NET1: variants seen among roughly 807,000 people sequenced by gnomAD.
NET1 encodes neuroepithelial cell-transforming gene 1 protein.
A neutral mutation model predicts 61.1 loss-of-function variants in NET1; 42 were observed. The ratio of observed to expected loss-of-function variants is 0.69; its 90% CI spans 0.54 to 0.89. The LOEUF is 0.89. Among genes scored for constraint, NET1 ranks in the 40% least tolerant of loss-of-function variants. The pLI is 0.00. For synonymous variants in NET1, 254 were observed against 281.8 expected (o/e 0.90, Z 0.99); for missense variants, 654 against 747.3 (o/e 0.88, Z 1.46).
At chr10:5,413,018 G>A (rs11253166) in intron 1 of NET1, among the ~76,000 whole-genome samples, 198 bp downstream of exon 1, 45,009 of 110,756 alleles carry the variant, frequency 0.41, 10,238 homozygotes, top group African/African-American at 0.5. Flanking sequence ...TGGGGGGTGG[G>A]GGAGGTGACC....
chr10:5,454,412 A>T lies in NET1; in HGVS notation c.916A>T (p.Ser306Cys). The T allele has an allele frequency of 6.2e-7, 1 of 1,614,154 alleles. No individual in the cohort carries two copies. Among genetic ancestry groups the T allele is most frequent in the East Asian group, 2.2e-5 (1 of 44,882 alleles). ...CTTCAGTCGAAAACTAGATCTTTGG[A>T]GTTTCCTAGATATCCCTCGAAGTCG... Reference protein sequence around the residue: ...SPFSRKLDLWSFLDIPRSRLV... With the variant: ...SPFSRKLDLWCFLDIPRSRLV... Residue 306 changes from serine to cysteine, a missense_variant, in exon 9 of 12, where the codon AGT becomes TGT. Transcript: ENST00000355029. The surrounding 1 kb of genome is among the most constrained non-coding windows in gnomAD (Gnocchi z 8.1).
Position 5,447,264 on chromosome 10 carries a change from T to G in NET1, c.256-4566T>G, listed in dbSNP as rs1456319285. Among the ~76,000 whole-genome samples the G allele has an allele frequency of 6.6e-6, 1 of 152,194 alleles. No individual in the cohort carries two copies. The highest frequency in any genetic ancestry group is 1.5e-5 in the Non-Finnish European group (1 of 68,032). Reference sequence around the variant, plus strand: ...GCTAGTGAACAAATTGCAACTAAAGTTTAGTCTGACCTGGTGTGCATTTTT... The same window carrying G: ...GCTAGTGAACAAATTGCAACTAAAGGTTAGTCTGACCTGGTGTGCATTTTT... On this transcript the variant is annotated intron_variant, in intron 3 of 11. Transcript: ENST00000355029. This position sits in a 1 kb window ranked among gnomAD's most constrained non-coding sequence, Gnocchi z 4.1.
At position 5,448,762 on chromosome 10, in the gene NET1, C is replaced by T. The variant is rs1218535017; in HGVS notation, c.256-3068C>T. On this transcript the variant is annotated intron_variant, in intron 3 of 11. Transcript: ENST00000355029. The stretch of plus-strand genomic sequence containing the variant: ...AATTTGCCATAACGTGTTTCCAGGA[C>T]TCCAAAGTAAAAAATAAACAATCCT... Among the ~76,000 whole-genome samples, 5 of 147,280 alleles carry T rather than the reference C, an allele frequency of 3.4e-5. No individual in the cohort carries two copies. The East Asian group carries it at 1.0e-3, about 30-fold the overall frequency.
rs371801087 is a variant in NET1 at position 5,439,958 on chromosome 10, A to G, written c.255+10729A>G. On this transcript the variant is annotated intron_variant, in intron 3 of 11. Coordinates refer to ENST00000355029, the MANE Select transcript of NET1 (RefSeq NM_001047160.3). The surrounding 1 kb of genome is among the most constrained non-coding windows in gnomAD (Gnocchi z 4.8). ...CCAAAAGATGAAGAGTCCTGCTAGCACTGTGCCTAGAAGATGCAAGGTGCA... is the reference window on the plus strand; with the variant it reads ...CCAAAAGATGAAGAGTCCTGCTAGCGCTGTGCCTAGAAGATGCAAGGTGCA... Among the ~76,000 whole-genome samples, 6 of 152,318 alleles carry G rather than the reference A, an allele frequency of 3.9e-5. No individual in the cohort carries two copies. In the South Asian group the frequency reaches 6.2e-4, roughly 16 times the overall value.
chr10:5,442,553 G>A (rs969245799), intron 3 of NET1, among the ~76,000 whole-genome samples: 2 of 152,098 alleles, frequency 1.3e-5, no homozygotes, highest in Admixed American at 6.5e-5. Flanking sequence ...AAGAAAAGAC[G>A]CTAACCAATC....
In NET1 at chr10:5,416,713, C is replaced by T. The variant is rs1277181883; in HGVS notation, c.128+3893C>T. Among the ~76,000 whole-genome samples, 5 of 152,156 alleles carry T rather than the reference C, an allele frequency of 3.3e-5. No homozygotes were observed. The highest frequency in any genetic ancestry group is 9.7e-5 in the African/African-American group (4 of 41,426). On this transcript the variant is annotated intron_variant, in intron 1 of 11. Coordinates refer to ENST00000355029, the MANE Select transcript of NET1 (RefSeq NM_001047160.3). This position sits in a 1 kb window ranked among gnomAD's most constrained non-coding sequence, Gnocchi z 6.1. ...AAGTTCCCTTTTCCCCCTCGCAGGGCGTGCACTGGAGGTGTGCTCGCTTCT... is the reference window on the plus strand; with the variant it reads ...AAGTTCCCTTTTCCCCCTCGCAGGGTGTGCACTGGAGGTGTGCTCGCTTCT...
chr10:5,446,842 C>T lies in NET1; in HGVS notation c.256-4988C>T, dbSNP rs759938752. The T allele has an allele frequency of 3.7e-6, 6 of 1,609,626 alleles. No homozygotes were observed. The highest frequency in any genetic ancestry group is 5.1e-6 in the Non-Finnish European group (6 of 1,177,344). On this transcript the variant is annotated intron_variant, in intron 3 of 11. Transcript: ENST00000355029. The surrounding 1 kb of genome is among the most constrained non-coding windows in gnomAD (Gnocchi z 5.0). ...CGAGTCCTAGATGTCAATAACCAGT[C>T]CTTCAGAGAACAAGAGGTAAGACTT...
At position 5,419,561 on chromosome 10, in the gene NET1, A is replaced by T. The variant is rs77733694; in HGVS notation, c.128+6741A>T. Among the ~76,000 whole-genome samples, 439 of 152,108 alleles carry T rather than the reference A, an allele frequency of 2.9e-3. 4 individuals carry two copies. The highest frequency in any genetic ancestry group is 7.4e-3 in the Admixed American group (113 of 15,276). ...TTCTTTACTGATTTTTTTCATTGACACTGCTTTTACTAGGCTTTTTTGGGT... is the reference window on the plus strand; with the variant it reads ...TTCTTTACTGATTTTTTTCATTGACTCTGCTTTTACTAGGCTTTTTTGGGT... On this transcript the variant is annotated intron_variant, in intron 1 of 11. Coordinates refer to ENST00000355029, the MANE Select transcript of NET1 (RefSeq NM_001047160.3).
In NET1 at chr10:5,456,899, A is replaced by C; in HGVS notation, c.1696A>C (p.Ser566Arg). The change falls in exon 12 of 12, where the codon AGC becomes CGC. Residue 566 changes from serine to arginine, a missense_variant. By Grantham distance (110) the Ser-to-Arg change is moderately radical (BLOSUM62 -1). Transcript: ENST00000355029. This position sits in a 1 kb window ranked among gnomAD's most constrained non-coding sequence, Gnocchi z 7.0. ...CTCTGGCATGCAGATGGCAGAGGAC[A>C]GCAAGAGCTTAAAGACACACCAGAC... ...CGSGMQMAEDSKSLKTHQTQP... is the reference protein window; with the variant it reads ...CGSGMQMAEDRKSLKTHQTQP... 6.2e-7 allele frequency: 1 copy of C among 1,614,084 alleles called. No homozygotes were observed. The highest frequency in any genetic ancestry group is 8.5e-7 in the Non-Finnish European group (1 of 1,179,982).
chr10:5,432,450 C>T (rs1832363037), intron 3 of NET1, among the ~76,000 whole-genome samples: 1 of 152,184 alleles, frequency 6.6e-6, no homozygotes, highest in East Asian at 1.9e-4. Flanking sequence ...CATTTTTCAG[C>T]TTTGTTTAAA....
At position 5,456,308 on chromosome 10, in the gene NET1, G is replaced by A. The variant is rs754707477; in HGVS notation, c.1384+35G>A. ...AGGCCTTCAATAATTTAAAGAAATA[G>A]AAGCTCAGAACTGAAGTGAATTTAG... On this transcript the variant is annotated intron_variant, in intron 11 of 11. Transcript: ENST00000355029. This position sits in a 1 kb window ranked among gnomAD's most constrained non-coding sequence, Gnocchi z 7.0. 5.9e-6 allele frequency: 9 copies of A among 1,532,210 alleles called. No homozygotes were observed. Among genetic ancestry groups the A allele is most frequent in the Admixed American group, 2.1e-5 (1 of 47,182 alleles). The allele number at this position is 1,532,210 out of a possible 1,614,324, so 94.9% of individuals were successfully genotyped here.
chr10:5,442,890 A>AG (rs1359840204), intron 3 of NET1, among the ~76,000 whole-genome samples: 1 of 150,716 alleles, frequency 6.6e-6, no homozygotes, highest in Non-Finnish European at 1.5e-5. Context: ...AAAAAAAAAA[A>AG]AAGAAAGAAA....
rs750603546 is a variant in NET1, at chr10:5,451,863, C to T, written c.289C>T (p.Arg97Cys). ...PSNKRVRPLA[R>C]VTSLANLISP... ...CAATAAAAGAGTTCGACCTCTGGCT[C>T]GTGTCACGTCCTTGGCAAATTTAAT... Residue 97 changes from arginine (R) to cysteine (C), a missense_variant, in exon 4 of 12, where the codon CGT becomes TGT. Transcript: ENST00000355029. The surrounding 1 kb of genome is among the most constrained non-coding windows in gnomAD (Gnocchi z 6.1). 13 of 1,613,738 alleles carry T rather than the reference C, an allele frequency of 8.1e-6. No homozygotes were observed. The African/African-American group carries it at 1.2e-4, about 15-fold the overall frequency.
At chr10:5,425,174 T>G (rs1832239974) in intron 1 of NET1, among the ~76,000 whole-genome samples, 1 of 152,246 alleles carries the variant, frequency 6.6e-6, no homozygotes, top group Non-Finnish European at 1.5e-5. Context: ...ATACTTTGTA[T>G]TACTTAAGTA....
chr10:5,453,427 C>G lies in NET1; in HGVS notation c.692-57C>G. 1 of 1,587,508 alleles carries G rather than the reference C, an allele frequency of 6.3e-7. No homozygotes were observed. Among genetic ancestry groups the G allele is most frequent in the Non-Finnish European group, 8.7e-7 (1 of 1,155,766 alleles). ...TTCAGTCTAAACTTCTAATGTAGTG[C>G]TGACCTATTTTTTAAATAAACCTGT... On this transcript the variant is annotated intron_variant, in intron 7 of 11. Transcript: ENST00000355029. The surrounding 1 kb of genome is among the most constrained non-coding windows in gnomAD (Gnocchi z 4.9).
At position 5,436,043 on chromosome 10, in the gene NET1, ATAGT is replaced by A. The variant is rs10580388; in HGVS notation, c.255+6819_255+6822del. 9.2e-3 allele frequency among the ~76,000 whole-genome samples: 1,399 copies of A among 151,404 alleles called. 44 individuals carry two copies. In the East Asian group the frequency reaches 0.12, roughly 13 times the overall value. On this transcript the variant is annotated intron_variant, in intron 3 of 11. Coordinates refer to ENST00000355029, the MANE Select transcript of NET1 (RefSeq NM_001047160.3). ...TTGTGACTTAATTTCTTTAACTCTG[ATAGT>A]TAGTGATTATAACACAAACTAGAAC...
At chr10:5,414,062 A>G (rs1832042748) in intron 1 of NET1, among the ~76,000 whole-genome samples, 2 of 152,192 alleles carry the variant, frequency 1.3e-5, no homozygotes, top group African/African-American at 4.8e-5. Flanking sequence ...TAAATGGATG[A>G]TTTCAGGCAG....
chr10:5,426,308 T>C lies in NET1; in HGVS notation c.129-347T>C, dbSNP rs545050648. On this transcript the variant is annotated intron_variant, in intron 1 of 11. Coordinates refer to ENST00000355029, the MANE Select transcript of NET1 (RefSeq NM_001047160.3). The surrounding 1 kb of genome is among the most constrained non-coding windows in gnomAD (Gnocchi z 4.6). ...AATTTTTTGCACTTAGGAAGTTTGT[T>C]TGCTGTTTTTTATTTAACCTATTAA... is the stretch of plus-strand genomic sequence containing the variant. Among the ~76,000 whole-genome samples, 12 of 152,316 alleles carry C rather than the reference T, an allele frequency of 7.9e-5. No individual in the cohort carries two copies. In the South Asian group the frequency reaches 2.5e-3, roughly 32 times the overall value.
At chr10:5,419,706 T>TTGTTG (rs1832138823) in intron 1 of NET1, among the ~76,000 whole-genome samples, 2 of 151,022 alleles carry the variant, frequency 1.3e-5, no homozygotes, top group African/African-American at 2.4e-5. Flanking sequence ...TTTTCTTTGT[T>TTGTTG]TTGTTGTTGT....
Sources: allele counts gnomAD v4.1 joint callset (sites outside exome capture counted in the v4.1 genomes callset), GRCh38; gene constraint gnomAD v4.1.1; non-coding constraint Gnocchi (gnomAD v3.1); transcripts MANE v1.5; gene names NCBI Gene and HGNC (gene_info 2026-07-23, HGNC 2026-07-21).